Variants in MOV10L1 observed in about 807,000 individuals in gnomAD.
MOV10L1 encodes the protein Mov10 like RNA helicase 1, also known as RNA helicase Mov10l1.
Under a neutral mutation model 143.8 loss-of-function variants are expected in MOV10L1, and 110 were observed. That is an observed-to-expected ratio of 0.76 (90% confidence interval 0.66 to 0.90). The LOEUF (loss-of-function observed/expected upper bound fraction) is 0.90, where lower values mean the gene tolerates loss of function less well. Among genes scored for constraint, MOV10L1 ranks in the 40% least tolerant of loss-of-function variants. The pLI is 0.00. For synonymous variants in MOV10L1, 593 were observed against 581.1 expected (o/e 1.02, Z -0.29); for missense variants, 1,406 against 1,526.8 (o/e 0.92, Z 1.32).
chr22:50,154,546 C>T (rs556395653), intron 22 of MOV10L1, among the ~76,000 whole-genome samples: 10 of 151,990 alleles, frequency 6.6e-5, no homozygotes, highest in Admixed American at 2.0e-4. Flanking sequence ...CCAGCCCAGG[C>T]GACAGAGTGA....
chr22:50,118,768 GACGTCAGTAAGCTCTGC>G (rs980993778), intron 9 of MOV10L1, among the ~76,000 whole-genome samples: 29 of 152,282 alleles, frequency 1.9e-4, no homozygotes, highest in African/African-American at 6.7e-4. Flanking sequence ...TCCAGGCTGT[GACGTCAGTAAGCTCTGC>G]ACAAACTCCA....
intron 19 of MOV10L1, among the ~76,000 whole-genome samples, chr22:50,147,871 G>A (rs1050826194): frequency 3.3e-5 from 5 of 152,234 alleles, no homozygotes; most frequent in South Asian, 4.1e-4. Context: ...AGGGGTTCAC[G>A]GTGTCACTTG....
chr22:50,138,867 C>T (rs1232424891), intron 15 of MOV10L1, among the ~76,000 whole-genome samples: 1 of 152,082 alleles, frequency 6.6e-6, no homozygotes, highest in Non-Finnish European at 1.5e-5. Context: ...CCACACCCTG[C>T]TAATTTTTGT....
intron 9 of MOV10L1, among the ~76,000 whole-genome samples, chr22:50,118,114 A>C (rs1022618703): frequency 1.3e-5 from 2 of 152,160 alleles, no homozygotes; most frequent in African/African-American, 4.8e-5. Context: ...GTGTTGCCCC[A>C]GTTACAGTTC....
At chr22:50,125,592 T>G in intron 11 of MOV10L1, 23 bp downstream of exon 11, 1 of 1,606,284 alleles carries the variant, frequency 6.2e-7, no homozygotes, top group Non-Finnish European at 8.5e-7. Flanking sequence ...CTCATATGCT[T>G]CCCTGGGTGG....
chr22:50,112,839 C>A (rs561202010), intron 5 of MOV10L1, among the ~76,000 whole-genome samples: 18 of 152,364 alleles, frequency 1.2e-4, no homozygotes, highest in Non-Finnish European at 2.5e-4. Flanking sequence ...TCTGCAAAAT[C>A]CCCACCCCGT....
chr22:50,099,253 T>G (rs11703692), intron 2 of MOV10L1, among the ~76,000 whole-genome samples, 190 bp from the exon 3 acceptor site: 34,093 of 152,120 alleles, frequency 0.22, 4,186 homozygotes, highest in Admixed American at 0.35. Flanking sequence ...TTGCCCTTTC[T>G]GCCATGTGAG....
intron 8 of MOV10L1, among the ~76,000 whole-genome samples, chr22:50,115,726 GTCTCTGAGGC>G (rs754314134): frequency 2.0e-5 from 3 of 152,214 alleles, no homozygotes; most frequent in Non-Finnish European, 4.4e-5. Flanking sequence ...AAAACAGGGT[GTCTCTGAGGC>G]TCTCTGAGGC....
At chr22:50,126,340 T>TC (rs1224846090) in intron 12 of MOV10L1, 68 bp downstream of exon 12, 32 of 1,211,148 alleles carry the variant, frequency 2.6e-5, no homozygotes, top group Non-Finnish European at 3.7e-5. Context: ...AAGGTAACGT[T>TC]CTCCCCACGG....
Position 50,108,211 on chromosome 22 carries a change from C to T in MOV10L1, c.518C>T (p.Thr173Ile). The T allele has an allele frequency of 6.2e-7, 1 of 1,614,080 alleles. No homozygotes were observed. Among genetic ancestry groups the T allele is most frequent in the African/African-American group, 1.3e-5 (1 of 75,052 alleles). The change falls in exon 4 of 27, where the codon ACC (threonine) becomes ATC (isoleucine). Residue 173 changes from threonine (T) to isoleucine (I), a missense_variant. Around this residue, in one of 3 missense-constraint regions of MOV10L1, gnomAD observed 1,233 missense variants for 1,351.4 expected, o/e 0.91. Transcript: ENST00000262794. ...IRPGTWSSEA[T>I]SVKPLRYKRV... Reference sequence around the variant, plus strand: ...CCTGGCACGTGGAGCAGCGAAGCCACCTCAGTGAAGCCACTGAGATACAAG... The same window carrying T: ...CCTGGCACGTGGAGCAGCGAAGCCATCTCAGTGAAGCCACTGAGATACAAG...
rs150761060 is a variant in MOV10L1 at position 50,161,501 on chromosome 22, C to T, written c.*52C>T. 16 of 1,519,446 alleles carry T rather than the reference C, an allele frequency of 1.1e-5. No individual in the cohort carries two copies. The highest frequency in any genetic ancestry group is 1.8e-4 in the Middle Eastern group (1 of 5,496). The allele number at this position is 1,519,446 out of a possible 1,614,324, so 94.1% of individuals were successfully genotyped here. A position where few individuals can be genotyped will look rare whatever the true frequency, so the allele number is the denominator to read the frequency against. On this transcript the variant is annotated 3_prime_UTR_variant, in exon 27 of 27. Coordinates refer to ENST00000262794, the MANE Select transcript of MOV10L1 (RefSeq NM_018995.3). Reference sequence around the variant, plus strand: ...CATGTGCTCAGCCTGGCCACGTTGCCGTTACAGTCTGCTCCGTGGCTCCTG... The same window carrying T: ...CATGTGCTCAGCCTGGCCACGTTGCTGTTACAGTCTGCTCCGTGGCTCCTG...
chr22:50,099,566 C>T lies in MOV10L1; in HGVS notation c.406C>T (p.Gln136Ter). 6.2e-7 allele frequency: 1 copy of T among 1,614,098 alleles called. No individual in the cohort carries two copies. Among genetic ancestry groups the T allele is most frequent in the Non-Finnish European group, 8.5e-7 (1 of 1,179,942 alleles). ...GGTGGAGGGCGCAGGCTGTATCAGT[C>T]AGACCACCTACTTCTCTCTGGAGAG... Reference protein sequence around the residue: ...SLVEGAGCISQTTYFSLESVC... With the variant: ...SLVEGAGCIS Residue 136 changes from glutamine to a stop codon, truncating the protein, a stop_gained, in exon 3 of 27, where the codon CAG becomes TAG. Transcript: ENST00000262794. LOFTEE classifies it high-confidence loss of function.
chr22:50,125,129 G>A (rs2062460820), intron 10 of MOV10L1, among the ~76,000 whole-genome samples: 1 of 152,242 alleles, frequency 6.6e-6, no homozygotes. Context: ...AGGGTGGACA[G>A]GAGTGGGCAG....
intron 3 of MOV10L1, among the ~76,000 whole-genome samples, chr22:50,106,290 G>A (rs941257436): frequency 1.3e-5 from 2 of 149,332 alleles, no homozygotes; most frequent in African/African-American, 2.5e-5. Flanking sequence ...GAGTAGCTGG[G>A]ACTTCAGGCT....
At chr22:50,129,804 T>C (rs1208120787) in intron 13 of MOV10L1, among the ~76,000 whole-genome samples, 3 of 152,232 alleles carry the variant, frequency 2.0e-5, no homozygotes, top group Non-Finnish European at 4.4e-5. Context: ...GCTGAGAATC[T>C]TCTTGTTCGT....
rs2062464062 is a variant in MOV10L1 at position 50,092,191 on chromosome 22, G to C, written c.282+6G>C. 1.9e-6 allele frequency: 3 copies of C among 1,608,866 alleles called. No homozygotes were observed. The highest frequency in any genetic ancestry group is 2.5e-6 in the Non-Finnish European group (3 of 1,177,212). The stretch of plus-strand genomic sequence containing the variant: ...ATGGACTGAAAGCAATCAGGGTAAG[G>C]TTTGAGTTCATTTGGGAACAGTTTT... On this transcript the variant is annotated splice_donor_region_variant and intron_variant, in intron 2 of 26. Transcript: ENST00000262794.
rs2063475452 is a variant in MOV10L1 at position 50,158,194 on chromosome 22, C to G, written c.3204C>G (p.Pro1068=). Residue 1068 remains proline, a synonymous_variant, in exon 23 of 27, where the codon CCC becomes CCG. Coordinates refer to ENST00000262794, the MANE Select transcript of MOV10L1 (RefSeq NM_018995.3). The surrounding 1 kb of genome is among the most constrained non-coding windows in gnomAD (Gnocchi z 5.0). ...VSASDIGVIT[P]YRKQVEKIRI... is the part of the protein sequence containing the mutation. ...CCAGCGACATTGGCGTCATCACGCC[C>G]TACCGGAAGCAGGTACGCCCTGCCC... The G allele has an allele frequency of 1.2e-6, 2 of 1,614,144 alleles. No homozygotes were observed. Among genetic ancestry groups the G allele is most frequent in the South Asian group, 2.2e-5 (2 of 91,076 alleles).
Position 50,153,234 on chromosome 22 carries a change from A to T in MOV10L1, c.3066+16A>T. 1 of 1,604,598 alleles carries T rather than the reference A, an allele frequency of 6.2e-7. No individual in the cohort carries two copies. The highest frequency in any genetic ancestry group is 8.5e-7 in the Non-Finnish European group (1 of 1,172,532). On this transcript the variant is annotated intron_variant, in intron 22 of 26. Transcript: ENST00000262794. ...TGGTGTGCGGGTGAGTTGTGTCTTGAATCCGTAGGTGACCGTGTCGGGTAA... is the reference window on the plus strand; with the variant it reads ...TGGTGTGCGGGTGAGTTGTGTCTTGTATCCGTAGGTGACCGTGTCGGGTAA...
At chr22:50,105,508 T>C (rs2061845249) in intron 3 of MOV10L1, among the ~76,000 whole-genome samples, 2 of 152,234 alleles carry the variant, frequency 1.3e-5, no homozygotes, top group African/African-American at 4.8e-5. Context: ...TCCTGAGGCC[T>C]CATTATTTCC....
Sources: allele counts gnomAD v4.1 joint callset (sites outside exome capture counted in the v4.1 genomes callset), GRCh38; gene constraint gnomAD v4.1.1; regional missense constraint gnomAD v4.1.1; non-coding constraint Gnocchi (gnomAD v3.1); transcripts MANE v1.5; gene names NCBI Gene and HGNC (gene_info 2026-07-23, HGNC 2026-07-21).